The following CMIP variants were observed in gnomAD, a reference collection of about 807,000 sequenced individuals.
CMIP encodes C-Maf-inducing protein.
A neutral mutation model predicts 97.3 loss-of-function variants in CMIP; 13 were observed. The observed-to-expected ratio is 0.13, with a 90% CI of 0.09 to 0.21. The LOEUF (loss-of-function observed/expected upper bound fraction) is 0.21, where lower values mean the gene tolerates loss of function less well. Ranked by LOEUF, CMIP falls within the 10% of genes least tolerant of loss-of-function variation. The probability of loss-of-function intolerance (pLI) is 1.00; values close to 1 mark genes in which losing one functional copy is unlikely to be tolerated. For synonymous variants in CMIP, 538 were observed against 436.3 expected (o/e 1.23, Z -2.91); for missense variants, 847 against 1,024.9 (o/e 0.83, Z 2.37).
At chr16:81,603,474 A>G (rs2091691736) in intron 1 of CMIP, 1 of 454,390 alleles carries the variant, frequency 2.2e-6, no homozygotes, top group Non-Finnish European at 4.4e-6. Context: ...ACACATCCGC[A>G]GTCTGCTTCC....
At chr16:81,626,700 TTGTA>T (rs1288032707) in intron 3 of CMIP, among the ~76,000 whole-genome samples, 2 of 141,740 alleles carry the variant, frequency 1.4e-5, no homozygotes, top group African/African-American at 5.4e-5. Context: ...GTGGGGTCAT[TTGTA>T]TGAGGGTGTG....
In CMIP at chr16:81,453,050, A is replaced by G. The variant is rs1906332080; in HGVS notation, c.300+7509A>G. Among the ~76,000 whole-genome samples the G allele has an allele frequency of 6.6e-6, 1 of 152,030 alleles. No homozygotes were observed. Among genetic ancestry groups the G allele is most frequent in the East Asian group, 1.9e-4 (1 of 5,196 alleles). ...ACACTCTAAGGATCCTAGGATCTAG[A>G]ACACACTAGTGCTCTGATTCACCTC... is the stretch of plus-strand genomic sequence containing the variant. On this transcript the variant is annotated intron_variant, in intron 1 of 20. Coordinates refer to ENST00000537098, the MANE Select transcript of CMIP (RefSeq NM_198390.3). The surrounding 1 kb of genome is among the most constrained non-coding windows in gnomAD (Gnocchi z 4.0).
intron 1 of CMIP, among the ~76,000 whole-genome samples, chr16:81,555,810 C>G (rs2090751308): frequency 6.6e-6 from 1 of 152,196 alleles, no homozygotes; most frequent in South Asian, 2.1e-4. Context: ...TGTGTCTGGT[C>G]TGCCCTGGTT....
At chr16:81,474,070 A>T (rs946817053) in intron 1 of CMIP, among the ~76,000 whole-genome samples, 1 of 151,950 alleles carries the variant, frequency 6.6e-6, no homozygotes, top group Non-Finnish European at 1.5e-5. Flanking sequence ...CAGGCCTTTA[A>T]CCGGGCACTC....
chr16:81,692,963 A>G (rs901423328), intron 11 of CMIP, among the ~76,000 whole-genome samples, 195 bp from the exon 12 acceptor site: 5 of 152,148 alleles, frequency 3.3e-5, no homozygotes, highest in African/African-American at 7.2e-5. Context: ...TGTTGCTCTG[A>G]TCTGCCGCCT....
intron 3 of CMIP, among the ~76,000 whole-genome samples, chr16:81,650,167 A>G (rs2092410950): frequency 6.6e-6 from 1 of 152,178 alleles, no homozygotes; most frequent in African/African-American, 2.4e-5. Context: ...CTCACCCCCG[A>G]CAACTTGTCA....
intron 1 of CMIP, among the ~76,000 whole-genome samples, chr16:81,500,271 C>T (rs1422993258): frequency 2.5e-5 from 3 of 117,912 alleles, no homozygotes; most frequent in Non-Finnish European, 5.2e-5. Context: ...TCCTTCCTTC[C>T]GTCCTTCCTT....
In CMIP at chr16:81,696,548, C is replaced by G; in HGVS notation, c.1531-12C>G. 6.2e-7 allele frequency: 1 copy of G among 1,601,476 alleles called. No individual in the cohort carries two copies. The highest frequency in any genetic ancestry group is 8.5e-7 in the Non-Finnish European group (1 of 1,179,016). On this transcript the variant is annotated splice_polypyrimidine_tract_variant and intron_variant, in intron 13 of 20. Transcript: ENST00000537098. ...CATGCAGCTCACACTTGTGTCTTCC[C>G]TTGTCTGGCAGGTCCACTCATGCCT...
chr16:81,520,757 T>A (rs941329186), intron 1 of CMIP: 2 of 152,212 alleles, frequency 1.3e-5, no homozygotes, highest in African/African-American at 4.8e-5. Flanking sequence ...TGTGTGACCT[T>A]GGGCAAATAA....
At chr16:81,531,860 A>G (rs1360627979) in intron 1 of CMIP, among the ~76,000 whole-genome samples, 3 of 152,246 alleles carry the variant, frequency 2.0e-5, no homozygotes, top group Non-Finnish European at 4.4e-5. Flanking sequence ...AGTTGGGGCT[A>G]GTTGTTGATT....
chr16:81,669,765 C>A (rs2092663753), intron 7 of CMIP, among the ~76,000 whole-genome samples: 1 of 151,638 alleles, frequency 6.6e-6, no homozygotes. Context: ...TCCTTCCACA[C>A]CCACCTCTCA....
chr16:81,537,616 A>C (rs932057943), intron 1 of CMIP, among the ~76,000 whole-genome samples: 14 of 149,448 alleles, frequency 9.4e-5, no homozygotes, highest in Admixed American at 9.3e-4. Context: ...CTGTAACCCC[A>C]GCACTTTGAG....
chr16:81,478,450 A>T (rs1331616784), intron 1 of CMIP, among the ~76,000 whole-genome samples: 1 of 152,224 alleles, frequency 6.6e-6, no homozygotes, highest in Non-Finnish European at 1.5e-5. Context: ...CTGAGAAAGC[A>T]GGTGTGCAAG....
At chr16:81,527,683 G>A (rs1049347676) in intron 1 of CMIP, among the ~76,000 whole-genome samples, 8 of 152,188 alleles carry the variant, frequency 5.3e-5, no homozygotes, top group African/African-American at 1.9e-4. Flanking sequence ...CAACTTTACA[G>A]AAAGCAAATC....
rs570090684 is a variant in CMIP, at chr16:81,585,672, G to A, written c.301-21895G>A. ...CAAATTTAACGGCAGACACCGCATG[G>A]CACAGTACCTTTTGGCCAGTCCACT... On this transcript the variant is annotated intron_variant, in intron 1 of 20. Coordinates refer to ENST00000537098, the MANE Select transcript of CMIP (RefSeq NM_198390.3). Among the ~76,000 whole-genome samples the A allele has an allele frequency of 2.4e-5, 3 of 126,810 alleles. No homozygotes were observed. The South Asian group carries it at 7.2e-4, about 30-fold the overall frequency. 83.2% of individuals were successfully genotyped at this position (126,810 alleles called of 152,430 possible). A position where few individuals can be genotyped will look rare whatever the true frequency, so the allele number is the denominator to read the frequency against.
intron 1 of CMIP, among the ~76,000 whole-genome samples, chr16:81,600,275 GAAAAAAAAAAA>G (rs71146022): frequency 1.2e-5 from 1 of 81,714 alleles, no homozygotes; most frequent in Non-Finnish European, 2.3e-5. Context: ...GACTCCATCT[GAAAAAAAAAAA>G]AAAAAAAAAA....
chr16:81,653,870 C>T (rs2092455379), intron 4 of CMIP, among the ~76,000 whole-genome samples: 1 of 152,240 alleles, frequency 6.6e-6, no homozygotes, highest in Non-Finnish European at 1.5e-5. Context: ...GCCTTGGCCT[C>T]CCAAAGTGAG....
intron 1 of CMIP, among the ~76,000 whole-genome samples, chr16:81,484,238 C>A (rs1353972147): frequency 2.6e-5 from 4 of 152,182 alleles, no homozygotes; most frequent in Non-Finnish European, 5.9e-5. Flanking sequence ...CTGGCAAAGT[C>A]AGATTTGGTG....
chr16:81,473,946 A>G (rs1208055205), intron 1 of CMIP, among the ~76,000 whole-genome samples: 1 of 151,728 alleles, frequency 6.6e-6, no homozygotes, highest in Non-Finnish European at 1.5e-5. Context: ...GTGACTTACC[A>G]CAGGCCTGGC....
Sources: allele counts gnomAD v4.1 joint callset (sites outside exome capture counted in the v4.1 genomes callset), GRCh38; gene constraint gnomAD v4.1.1; non-coding constraint Gnocchi (gnomAD v3.1); transcripts MANE v1.5; gene names NCBI Gene and HGNC (gene_info 2026-07-23, HGNC 2026-07-21).